ILDR1: variants seen among roughly 807,000 people sequenced by gnomAD.
ILDR1 encodes the protein immunoglobulin-like domain-containing receptor 1.
In ILDR1, 56 loss-of-function variants were observed where a neutral mutation model predicts 62.4. That is an observed-to-expected ratio of 0.90 (90% CI 0.72 to 1.12). The LOEUF (loss-of-function observed/expected upper bound fraction) is 1.12. ILDR1 is among the 50% of genes most tolerant of loss of function. The probability of loss-of-function intolerance (pLI) is 0.00; values close to 1 mark genes in which losing one functional copy is unlikely to be tolerated. For missense variants in ILDR1, 736 were observed against 710.6 expected (o/e 1.04, Z -0.41); for synonymous variants, 284 against 277.8 (o/e 1.02, Z -0.22).
At chr3:122,003,696 T>C (rs1044678580) in intron 3 of ILDR1, among the ~76,000 whole-genome samples, 4 of 152,116 alleles carry the variant, frequency 2.6e-5, no homozygotes, top group African/African-American at 9.7e-5. Context: ...TACTAATGCA[T>C]TCCTGTGGTA....
chr3:122,033,515 C>A, the ILDR1 span, among the ~76,000 whole-genome samples: 2 of 151,882 alleles, frequency 1.3e-5, no homozygotes, highest in African/African-American at 4.8e-5. Context: ...TTTAATTTAT[C>A]AATCTTTTCC....
upstream of ILDR1, among the ~76,000 whole-genome samples, chr3:122,022,914 AAAATAAATAAATAAATAAATAAAT>A (rs59901956): frequency 2.6e-3 from 377 of 143,388 alleles, 4 homozygotes; most frequent in East Asian, 0.057. Flanking sequence ...CTCGGTCTCG[AAAATAAATAAATAAATAAATAAAT>A]AAATAAATAA....
At chr3:122,047,693 C>T in the ILDR1 span, among the ~76,000 whole-genome samples, 1 of 152,214 alleles carries the variant, frequency 6.6e-6, no homozygotes, top group African/African-American at 2.4e-5. Context: ...GCGTCTGTCA[C>T]CCCTTTCTTT....
chr3:122,039,574 T>G, the ILDR1 span, among the ~76,000 whole-genome samples: 1 of 152,028 alleles, frequency 6.6e-6, no homozygotes, highest in African/African-American at 2.4e-5. Flanking sequence ...AATAAAGACT[T>G]TTTCAGACAA....
rs746591331 is a variant in ILDR1, at chr3:122,001,879, G to A, written c.380-15C>T. Reference sequence around the variant, plus strand: ...GAGATCTGCTCCTACACAGTAAGGAGGGAGAAAGTGCCAGTGTCAGAGGAG... The same window carrying A: ...GAGATCTGCTCCTACACAGTAAGGAAGGAGAAAGTGCCAGTGTCAGAGGAG... On this transcript the variant is annotated splice_polypyrimidine_tract_variant and intron_variant, in intron 3 of 7. Transcript: ENST00000344209. 1 of 1,612,774 alleles carries A rather than the reference G, an allele frequency of 6.2e-7. No homozygotes were observed. The highest frequency in any genetic ancestry group is 8.5e-7 in the Non-Finnish European group (1 of 1,179,850).
chr3:122,042,886 T>G, the ILDR1 span, among the ~76,000 whole-genome samples: 12 of 151,930 alleles, frequency 7.9e-5, no homozygotes, highest in South Asian at 2.1e-4. Context: ...TCTGATGGTA[T>G]TTTCTTTTGC....
chr3:121,993,918 A>T lies in ILDR1; in HGVS notation c.831T>A (p.Asn277Lys). Residue 277 changes from asparagine (N) to lysine (K), a missense_variant, in exon 7 of 8, where the codon AAT becomes AAA. Transcript: ENST00000344209. ...LPQMPMTQTT[N>K]QPPIANGVLE... ...GGACACCATTGGCGATGGGAGGCTG[A>T]TTGGTGGTCTGGGTCATTGGCATCT... 1 of 1,613,602 alleles carries T rather than the reference A, an allele frequency of 6.2e-7. No individual in the cohort carries two copies. The highest frequency in any genetic ancestry group is 8.5e-7 in the Non-Finnish European group (1 of 1,180,022).
chr3:122,008,857 T>C (rs1023327283), intron 1 of ILDR1, among the ~76,000 whole-genome samples: 3 of 152,082 alleles, frequency 2.0e-5, no homozygotes, highest in Non-Finnish European at 4.4e-5. Context: ...CCTCCCAAAG[T>C]GCTGGGATTA....
chr3:122,001,570 G>C, intron 4 of ILDR1, 116 bp from the exon 5 acceptor site: 1 of 1,479,444 alleles, frequency 6.8e-7, no homozygotes, highest in Non-Finnish European at 9.4e-7. Flanking sequence ...GGTTAAAGTT[G>C]AGCAATATAC....
chr3:122,045,908 G>A, the ILDR1 span, among the ~76,000 whole-genome samples: 1 of 151,314 alleles, frequency 6.6e-6, no homozygotes, highest in South Asian at 2.1e-4. Context: ...GGAGAATTTA[G>A]TCCATTTACA....
At chr3:122,041,785 A>C in the ILDR1 span, among the ~76,000 whole-genome samples, 3 of 151,384 alleles carry the variant, frequency 2.0e-5, no homozygotes, top group Non-Finnish European at 4.4e-5. Flanking sequence ...GAATTCATTT[A>C]TTAGATTTAA....
the ILDR1 span, among the ~76,000 whole-genome samples, chr3:122,049,530 T>C: frequency 6.6e-6 from 1 of 152,234 alleles, no homozygotes; most frequent in African/African-American, 2.4e-5. Context: ...GTTCTGCCAA[T>C]GTTTGCTTCA....
rs1485184232 is a variant in ILDR1 at position 121,993,597 on chromosome 3, C to T, written c.1152G>A (p.Gly384=). The change falls in exon 7 of 8, where the codon GGG becomes GGA. Residue 384 remains glycine (G), a synonymous_variant. Coordinates refer to ENST00000344209, the MANE Select transcript of ILDR1 (RefSeq NM_001199799.2). ...PDFHQELQDR[G]PKSWALERRE... ...TTCTTTCCAATGCCCAAGACTTTGG[C>T]CCCCGGTCCTGGAGCTCCTGGTGGA... The T allele has an allele frequency of 6.2e-7, 1 of 1,614,222 alleles. No homozygotes were observed. Among genetic ancestry groups the T allele is most frequent in the Non-Finnish European group, 8.5e-7 (1 of 1,180,046 alleles).
chr3:121,991,573 G>A (rs1284972292), intron 7 of ILDR1, among the ~76,000 whole-genome samples: 1 of 152,228 alleles, frequency 6.6e-6, no homozygotes, highest in Admixed American at 6.5e-5. Flanking sequence ...GATTAAGTAA[G>A]ATGTTATATA....
Position 121,993,448 on chromosome 3 carries a change from G to C in ILDR1, c.1301C>G (p.Pro434Arg), listed in dbSNP as rs760257421. The C allele has an allele frequency of 1.5e-5, 24 of 1,613,856 alleles. No homozygotes were observed. Among genetic ancestry groups the C allele is most frequent in the Non-Finnish European group, 1.9e-5 (23 of 1,179,968 alleles). Residue 434 changes from proline to arginine, a missense_variant, in exon 7 of 8, where the codon CCG becomes CGG. Transcript: ENST00000344209. ...VPSSSEARWR[P>R]SHPPFRSRCQ... ...GCGGCTCCTGAAAGGAGGGTGGCTC[G>C]GCCGCCAGCGTGCCTCACTGGATGA...
At chr3:122,025,996 A>G (rs553921591), upstream of ILDR1, among the ~76,000 whole-genome samples, 1 of 152,312 alleles carries the variant, frequency 6.6e-6, no homozygotes, top group East Asian at 1.9e-4. Context: ...TGACTTTGCC[A>G]GAGCAATCCA....
chr3:122,005,284 C>G lies in ILDR1; in HGVS notation c.339G>C (p.Leu113=). 6.2e-7 allele frequency: 1 copy of G among 1,613,924 alleles called. No individual in the cohort carries two copies. The highest frequency in any genetic ancestry group is 8.5e-7 in the Non-Finnish European group (1 of 1,179,918). ...AQRRGQNEPV[L]GVDYRQRKIT... ...TCTTGCGCTGCCGGTAATCTACCCC[C>G]AGCACGGGCTCATTCTGCCCCCGCC... The change falls in exon 3 of 8, where the codon CTG becomes CTC. Residue 113 remains leucine, a synonymous_variant. Coordinates refer to ENST00000344209, the MANE Select transcript of ILDR1 (RefSeq NM_001199799.2).
chr3:122,048,514 T>C, the ILDR1 span, among the ~76,000 whole-genome samples: 1 of 152,236 alleles, frequency 6.6e-6, no homozygotes, highest in Non-Finnish European at 1.5e-5. Context: ...AATTCTTCTT[T>C]AAATGTTTGA....
the ILDR1 span, among the ~76,000 whole-genome samples, chr3:122,034,064 G>C: frequency 2.0e-5 from 3 of 152,082 alleles, no homozygotes; most frequent in African/African-American, 7.2e-5. Flanking sequence ...AGATCAATTT[G>C]GGAAGAATTG....
Sources: allele counts gnomAD v4.1 joint callset (sites outside exome capture counted in the v4.1 genomes callset), GRCh38; gene constraint gnomAD v4.1.1; transcripts MANE v1.5; gene names NCBI Gene and HGNC (gene_info 2026-07-23, HGNC 2026-07-21).